SCN11A: variants seen among roughly 807,000 people sequenced by gnomAD.
The protein encoded by SCN11A is sodium voltage-gated channel alpha subunit 11.
SCN11A carries 122 observed loss-of-function variants against 162.2 expected under a neutral mutation model. The observed-to-expected ratio is 0.75, with a 90% confidence interval of 0.65 to 0.87. The LOEUF is 0.87. Among genes scored for constraint, SCN11A ranks in the 40% least tolerant of loss-of-function variants. The pLI is 0.00. For missense variants in SCN11A, 2,015 were observed against 2,181.6 expected (o/e 0.92, Z 1.52); for synonymous variants, 758 against 751.5 (o/e 1.01, Z -0.14).
rs530349798 is a variant in SCN11A at position 38,938,598 on chromosome 3, C to T, written c.488+6813G>A. On this transcript the variant is annotated intron_variant, in intron 7 of 29. Coordinates refer to ENST00000302328, the MANE Select transcript of SCN11A (RefSeq NM_001349253.2). ...TTTTTTTTTGAGACAGAGTTTTGCT[C>T]TTGTTGCCCAGGCTGGCGTTCAATG... 1.2e-3 allele frequency among the ~76,000 whole-genome samples: 70 copies of T among 60,624 alleles called. 2 individuals carry two copies. In the South Asian group the frequency reaches 0.029, roughly 25 times the overall value. The allele number at this position is 60,624 out of a possible 152,430, so 39.8% of individuals were successfully genotyped here.
At chr3:38,918,667 C>G (rs1009256818) in intron 11 of SCN11A, among the ~76,000 whole-genome samples, 1 of 152,156 alleles carries the variant, frequency 6.6e-6, no homozygotes, top group Admixed American at 6.5e-5. Context: ...TGATCCTCAA[C>G]AATATCAATG....
chr3:39,005,810 C>A (rs996219577), intron 2 of SCN11A, among the ~76,000 whole-genome samples: 1 of 152,194 alleles, frequency 6.6e-6, no homozygotes, highest in African/African-American at 2.4e-5. Context: ...ATGAGCTTTA[C>A]TAATTTTTTC....
At chr3:39,037,207 G>A (rs1377329683) in intron 1 of SCN11A, among the ~76,000 whole-genome samples, 1 of 152,218 alleles carries the variant, frequency 6.6e-6, no homozygotes, top group Non-Finnish European at 1.5e-5. Flanking sequence ...GTTATGTTAA[G>A]TGAAATAAGC....
chr3:38,999,812 C>T (rs1316907058), intron 2 of SCN11A, among the ~76,000 whole-genome samples: 1 of 152,176 alleles, frequency 6.6e-6, no homozygotes, highest in Non-Finnish European at 1.5e-5. Context: ...ATGACCTTTG[C>T]TTCCCAACTT....
At chr3:38,856,171 A>G (rs2064866222) in intron 28 of SCN11A, among the ~76,000 whole-genome samples, 1 of 152,180 alleles carries the variant, frequency 6.6e-6, no homozygotes, top group African/African-American at 2.4e-5. Context: ...CCCAATGGGC[A>G]GGCATCCTCT....
Position 38,907,353 on chromosome 3 carries a change from T to TACAC in SCN11A, c.1473+595_1473+596insGTGT, listed in dbSNP as rs1314295859. On this transcript the variant is annotated intron_variant, in intron 14 of 29. Coordinates refer to ENST00000302328, the MANE Select transcript of SCN11A (RefSeq NM_001349253.2). ...GTGTGTGTGTGTGTGTATATATCTATATATACACACACACACACACACACA... is the reference window on the plus strand; with the variant it reads ...GTGTGTGTGTGTGTGTATATATCTATACACATATACACACACACACACACACACA... Among the ~76,000 whole-genome samples, 6 of 60,668 alleles carry TACAC rather than the reference T, an allele frequency of 9.9e-5. No homozygotes were observed. In the South Asian group the frequency reaches 2.7e-3, roughly 27 times the overall value. The allele number at this position is 60,668 out of a possible 152,430, so 39.8% of individuals were successfully genotyped here. A position where few individuals can be genotyped will look rare whatever the true frequency, so the allele number is the denominator to read the frequency against.
chr3:38,867,326 TCTG>T lies in SCN11A; in HGVS notation c.3943_3945del (p.Gln1315del). 6.2e-7 allele frequency: 1 copy of T among 1,612,004 alleles called. No individual in the cohort carries two copies. Among genetic ancestry groups the T allele is most frequent in the Non-Finnish European group, 8.5e-7 (1 of 1,179,326 alleles). On this transcript the variant is annotated inframe_deletion, in exon 27 of 30. Transcript: ENST00000302328. Reference sequence around the variant, plus strand: ...AAGACAACCCAGATACTTATCTTTTTCTGCTGTTGGTTGAAGTTGTCAATGATA... The same window carrying T: ...AAGACAACCCAGATACTTATCTTTTTCTGTTGGTTGAAGTTGTCAATGATA...
Position 38,925,424 on chromosome 3 carries a change from C to A in SCN11A, c.703G>T (p.Val235Leu), listed in dbSNP as rs770885330. 1.9e-6 allele frequency: 3 copies of A among 1,608,046 alleles called. No homozygotes were observed. Among genetic ancestry groups the A allele is most frequent in the Non-Finnish European group, 2.6e-6 (3 of 1,174,460 alleles). Residue 235 changes from valine to leucine, a missense_variant, in exon 9 of 30, where the codon GTA becomes TTA. Coordinates refer to ENST00000302328, the MANE Select transcript of SCN11A (RefSeq NM_001349253.2). The part of the protein sequence containing the change: ...RVFRALKAIS[V>L]VSRLKVIVGA... Reference sequence around the variant, plus strand: ...AGTGAGAGTGACTTACGTGAAACTACTGAAATTGCTTTCAAAGCTCTGAAC... The same window carrying A: ...AGTGAGAGTGACTTACGTGAAACTAATGAAATTGCTTTCAAAGCTCTGAAC...
rs1313485488 is a variant in SCN11A, at chr3:38,903,924, C to T, written c.1783G>A (p.Ala595Thr). The T allele has an allele frequency of 3.7e-6, 6 of 1,613,884 alleles. No individual in the cohort carries two copies. The highest frequency in any genetic ancestry group is 5.1e-6 in the Non-Finnish European group (6 of 1,179,904). Residue 595 changes from alanine (A) to threonine (T), a missense_variant, in exon 16 of 30, where the codon GCC (alanine) becomes ACC (threonine). Coordinates refer to ENST00000302328, the MANE Select transcript of SCN11A (RefSeq NM_001349253.2). ...GCCTCCATCTTGTGATGCTCCATGG[C>T]CAAGAAGACAGTGTTGATGATGATG... ...ICIIINTVFL[A>T]MEHHKMEASF...
chr3:38,995,309 A>G (rs1429488542), intron 2 of SCN11A, among the ~76,000 whole-genome samples: 2 of 152,016 alleles, frequency 1.3e-5, no homozygotes, highest in African/African-American at 4.8e-5. Context: ...TTTAGTAGAG[A>G]CAGGGTTTCA....
chr3:39,040,895 G>A (rs1433817948), intron 1 of SCN11A, among the ~76,000 whole-genome samples: 4 of 151,950 alleles, frequency 2.6e-5, no homozygotes, highest in East Asian at 1.9e-4. Flanking sequence ...TGACTAACAC[G>A]GTGAAACCCC....
chr3:38,905,382 CA>C, intron 14 of SCN11A, 61 bp from the exon 15 acceptor site: 1 of 1,559,120 alleles, frequency 6.4e-7, no homozygotes, highest in East Asian at 2.3e-5. Flanking sequence ...CAAAACTTAA[CA>C]AACTACTTTG....
intron 7 of SCN11A, among the ~76,000 whole-genome samples, chr3:38,941,723 C>G (rs977904844): frequency 6.6e-6 from 1 of 150,666 alleles, no homozygotes; most frequent in Non-Finnish European, 1.5e-5. Context: ...AAATGAAATA[C>G]TAAATATACA....
At chr3:38,869,741 C>A (rs1270877820) in intron 26 of SCN11A, among the ~76,000 whole-genome samples, 1 of 152,198 alleles carries the variant, frequency 6.6e-6, no homozygotes, top group Non-Finnish European at 1.5e-5. Flanking sequence ...GCTCCAAAAT[C>A]TGAAACTTTT....
At chr3:38,940,937 T>G (rs190537691) in intron 7 of SCN11A, among the ~76,000 whole-genome samples, 1 of 151,962 alleles carries the variant, frequency 6.6e-6, no homozygotes, top group Admixed American at 6.6e-5. Flanking sequence ...AACTGGAAAA[T>G]ATATATATAA....
intron 2 of SCN11A, among the ~76,000 whole-genome samples, chr3:38,973,130 AT>A (rs1189554270): frequency 6.6e-6 from 1 of 152,234 alleles, no homozygotes; most frequent in African/African-American, 2.4e-5. Flanking sequence ...AAGAAAAGTT[AT>A]AAGATGTAGC....
rs186257946 is a variant in SCN11A, at chr3:39,046,731, G to T, written c.-404+5130C>A. On this transcript the variant is annotated intron_variant, in intron 1 of 29. Coordinates refer to ENST00000302328, the MANE Select transcript of SCN11A (RefSeq NM_001349253.2). ...TCCATGTATTTATAGCCAACTAATG[G>T]TTTTTTTGAAACAGGGTCTTGCTCT... 2.2e-3 allele frequency among the ~76,000 whole-genome samples: 341 copies of T among 152,028 alleles called. 3 individuals carry two copies. The highest frequency in any genetic ancestry group is 7.6e-3 in the African/African-American group (314 of 41,490).
intron 28 of SCN11A, among the ~76,000 whole-genome samples, chr3:38,855,158 G>A (rs536122551): frequency 2.0e-5 from 3 of 152,200 alleles, no homozygotes; most frequent in Non-Finnish European, 2.9e-5. Context: ...AGGCTGCCTG[G>A]ATCTAAACTT....
intron 7 of SCN11A, among the ~76,000 whole-genome samples, chr3:38,932,294 G>A (rs1364719998): frequency 1.1e-4 from 17 of 152,178 alleles, no homozygotes; most frequent in Admixed American, 9.2e-4. Context: ...CGTGAGCGAC[G>A]CAGAAGATGG....
Sources: gnomAD v4.1 joint callset for allele counts (sites outside exome capture counted in the v4.1 genomes callset) on GRCh38, gnomAD v4.1.1 for gene constraint, MANE v1.5 for transcripts, NCBI Gene and HGNC (gene_info 2026-07-23, HGNC 2026-07-21) for gene names.